Variants in LNX2 observed in about 807,000 individuals in gnomAD.
LNX2 encodes ligand of numb-protein X 2.
In LNX2, 35 loss-of-function variants were observed where a neutral mutation model predicts 66.2. The observed-to-expected ratio is 0.53, with a 90% CI of 0.40 to 0.70. LNX2 has a LOEUF of 0.70. LNX2 is among the 30% of genes least tolerant of loss of function. LNX2 has a pLI of 0.00. For missense variants in LNX2, 791 were observed against 850.8 expected (o/e 0.93, Z 0.87); for synonymous variants, 337 against 315.6 (o/e 1.07, Z -0.72).
intron 1 of LNX2, among the ~76,000 whole-genome samples, chr13:27,619,949 C>G (rs1955875359): frequency 6.6e-6 from 1 of 152,134 alleles, no homozygotes; most frequent in African/African-American, 2.4e-5. Flanking sequence ...GAACAAAACC[C>G]GATAAAGGCA....
chr13:27,565,408 G>A (rs1284116469), intron 4 of LNX2, among the ~76,000 whole-genome samples: 3 of 152,228 alleles, frequency 2.0e-5, no homozygotes, highest in African/African-American at 7.2e-5. Flanking sequence ...TCAGTGGGCT[G>A]CAGAAAAGGA....
intron 2 of LNX2, among the ~76,000 whole-genome samples, chr13:27,572,193 G>A (rs1024354210): frequency 2.6e-5 from 4 of 152,086 alleles, no homozygotes; most frequent in South Asian, 4.1e-4. Context: ...GGGTATTAGC[G>A]ATCATTAAAA....
intron 2 of LNX2, among the ~76,000 whole-genome samples, chr13:27,570,134 T>C (rs1429257146): frequency 6.6e-6 from 1 of 152,168 alleles, no homozygotes. Flanking sequence ...CAGTGACTAA[T>C]AACCCCTAGT....
In LNX2 at chr13:27,562,494, T is replaced by C; in HGVS notation, c.1143A>G (p.Leu381=). The C allele has an allele frequency of 6.2e-7, 1 of 1,614,170 alleles. No homozygotes were observed. The highest frequency in any genetic ancestry group is 8.5e-7 in the Non-Finnish European group (1 of 1,180,014). ...TGGCCAGCACTCGGTCATTGCTGCT[T>C]AGCCTGCCGTCCTGGGCAGCCAACC... ...EGGLAAQDGR[L]SSNDRVLAIN... is the part of the protein sequence containing the mutation. The change falls in exon 5 of 10, where the codon CTA becomes CTG. Residue 381 remains leucine, a synonymous_variant. Transcript: ENST00000316334.
intron 7 of LNX2, among the ~76,000 whole-genome samples, chr13:27,555,988 A>G (rs1955055427): frequency 6.6e-6 from 1 of 152,196 alleles, no homozygotes; most frequent in Non-Finnish European, 1.5e-5. Flanking sequence ...TCCCAAGATA[A>G]AATAATCTAA....
chr13:27,609,448 G>A (rs906233825), intron 1 of LNX2, among the ~76,000 whole-genome samples: 3 of 152,152 alleles, frequency 2.0e-5, no homozygotes, highest in African/African-American at 4.8e-5. Context: ...GAGCCACTGC[G>A]CCTGGCCCAG....
At chr13:27,609,143 C>T (rs916419988) in intron 1 of LNX2, among the ~76,000 whole-genome samples, 1 of 124,952 alleles carries the variant, frequency 8.0e-6, no homozygotes, top group Non-Finnish European at 1.6e-5. Context: ...AAATAACCAA[C>T]AGTGATTTTT....
chr13:27,562,853 C>A, intron 4 of LNX2, 72 bp from the exon 5 acceptor site: 3 of 1,465,134 alleles, frequency 2.0e-6, no homozygotes. Flanking sequence ...GTTTATGTGA[C>A]ATTTCCACAG....
intron 1 of LNX2, among the ~76,000 whole-genome samples, chr13:27,618,341 T>G (rs1486222200): frequency 6.6e-6 from 1 of 152,144 alleles, no homozygotes; most frequent in Non-Finnish European, 1.5e-5. Flanking sequence ...TCCCCCAAAC[T>G]CTGAGATGAC....
intron 1 of LNX2, among the ~76,000 whole-genome samples, chr13:27,587,516 T>C (rs79950400): frequency 0.017 from 2,569 of 152,326 alleles, 24 homozygotes; most frequent in Non-Finnish European, 0.024. Flanking sequence ...ATAACTATAT[T>C]CATATATGAG....
chr13:27,552,360 A>C (rs1955016654), intron 8 of LNX2, among the ~76,000 whole-genome samples: 1 of 152,208 alleles, frequency 6.6e-6, no homozygotes, highest in Admixed American at 6.5e-5. Context: ...AGCGCCTTGA[A>C]GCACTATATA....
At chr13:27,590,683 AG>A (rs1955537963) in intron 1 of LNX2, among the ~76,000 whole-genome samples, 1 of 152,216 alleles carries the variant, frequency 6.6e-6, no homozygotes, top group African/African-American at 2.4e-5. Flanking sequence ...AAGCTACAGA[AG>A]AAACTTGTCA....
intron 1 of LNX2, among the ~76,000 whole-genome samples, chr13:27,589,410 G>T (rs1034855056): frequency 8.5e-5 from 13 of 152,050 alleles, no homozygotes; most frequent in Non-Finnish European, 1.9e-4. Context: ...TCTAAAACAC[G>T]ATTCTGTATC....
chr13:27,577,957 T>G (rs534480739), intron 2 of LNX2, among the ~76,000 whole-genome samples: 2 of 152,330 alleles, frequency 1.3e-5, no homozygotes, highest in East Asian at 3.9e-4. Context: ...ATGTAGAATA[T>G]TTTTCAAAGG....
chr13:27,583,243 TGTGTGTGTGTGTGC>T lies in LNX2; in HGVS notation c.-100-1454_-100-1441del, dbSNP rs1955436336. Among the ~76,000 whole-genome samples, 8 of 21,676 alleles carry T rather than the reference TGTGTGTGTGTGTGC, an allele frequency of 3.7e-4. 3 individuals carry two copies. The highest frequency in any genetic ancestry group is 1.6e-3 in the Admixed American group (3 of 1,842). 14.2% of individuals were successfully genotyped at this position (21,676 alleles called of 152,430 possible). A position where few individuals can be genotyped will look rare whatever the true frequency, so the allele number is the denominator to read the frequency against. ...GTGTGTGTGTGTGTGTGTGTGTGTGTGTGTGTGTGTGTGCGCGCGTCCTCTCCAACATACTTATT... is the reference window on the plus strand; with the variant it reads ...GTGTGTGTGTGTGTGTGTGTGTGTGTGCGCGTCCTCTCCAACATACTTATT... On this transcript the variant is annotated intron_variant, in intron 1 of 9. Coordinates refer to ENST00000316334, the MANE Select transcript of LNX2 (RefSeq NM_153371.4).
At position 27,586,672 on chromosome 13, in the gene LNX2, T is replaced by A. The variant is rs191794016; in HGVS notation, c.-100-4869A>T. On this transcript the variant is annotated intron_variant, in intron 1 of 9. Coordinates refer to ENST00000316334, the MANE Select transcript of LNX2 (RefSeq NM_153371.4). ...TATATGTTTGAGTTCAGATATTATA[T>A]ATCTGTGAGCAGTGTGAAATACTAA... Among the ~76,000 whole-genome samples, 4 of 152,380 alleles carry A rather than the reference T, an allele frequency of 2.6e-5. No individual in the cohort carries two copies. In the East Asian group the frequency reaches 7.7e-4, roughly 29 times the overall value.
At chr13:27,592,353 G>A (rs1303754069) in intron 1 of LNX2, among the ~76,000 whole-genome samples, 1 of 152,204 alleles carries the variant, frequency 6.6e-6, no homozygotes, top group African/African-American at 2.4e-5. Context: ...GGGCTGATGG[G>A]AGGGGGGAAA....
intron 1 of LNX2, among the ~76,000 whole-genome samples, chr13:27,587,692 A>G (rs1463047847): frequency 3.3e-5 from 5 of 152,208 alleles, no homozygotes; most frequent in African/African-American, 9.6e-5. Context: ...CTCATGGTAT[A>G]TGTCACATAT....
chr13:27,583,390 T>C (rs1955445104), intron 1 of LNX2, among the ~76,000 whole-genome samples: 1 of 152,082 alleles, frequency 6.6e-6, no homozygotes, highest in South Asian at 2.1e-4. Context: ...CCCGAGCAGC[T>C]GGGATTACAG....
Sources: gnomAD v4.1 joint callset for allele counts (sites outside exome capture counted in the v4.1 genomes callset) on GRCh38, gnomAD v4.1.1 for gene constraint, MANE v1.5 for transcripts, NCBI Gene and HGNC (gene_info 2026-07-23, HGNC 2026-07-21) for gene names.